The following GALNT14 variants were observed in gnomAD, a reference collection of about 807,000 sequenced individuals.
GALNT14 encodes the protein UDP-GalNAc:polypeptide N-acetylgalactosaminyltransferase 14.
Under a neutral mutation model 77.5 loss-of-function variants are expected in GALNT14, and 60 were observed. The ratio of observed to expected loss-of-function variants is 0.77; its 90% confidence interval spans 0.63 to 0.96. The LOEUF is 0.96. Ranked by LOEUF, GALNT14 falls within the 40% of genes least tolerant of loss-of-function variation. The pLI, the probability that GALNT14 is intolerant of heterozygous loss-of-function variation, is 0.00. For synonymous variants in GALNT14, 280 were observed against 281.7 expected, an observed-to-expected ratio of 0.99 and a Z score of 0.06; for missense variants, 710 against 731.0, an observed-to-expected ratio of 0.97 and a Z score of 0.33.
downstream of GALNT14, among the ~76,000 whole-genome samples, chr2:30,907,526 G>T (rs961306692): frequency 1.5e-4 from 23 of 152,122 alleles, no homozygotes; most frequent in Admixed American, 3.9e-4. Context: ...GTTGAATCTC[G>T]GAATAGACCA....
At chr2:30,912,448 C>T (rs1356637955) in intron 13 of GALNT14, 106 bp from the exon 14 acceptor site, 1 of 1,283,934 alleles carries the variant, frequency 7.8e-7, no homozygotes, top group African/African-American at 1.5e-5. Flanking sequence ...GTAAGAAGCA[C>T]CAAGGGTCCC....
chr2:30,907,606 T>G (rs1467376971), downstream of GALNT14, among the ~76,000 whole-genome samples: 1 of 152,040 alleles, frequency 6.6e-6, no homozygotes, highest in African/African-American at 2.4e-5. Context: ...ACCAGATGGA[T>G]TCACACCTGA....
chr2:31,019,470 G>C (rs958535233), intron 1 of GALNT14, among the ~76,000 whole-genome samples: 6 of 152,164 alleles, frequency 3.9e-5, no homozygotes, highest in East Asian at 3.9e-4. Context: ...CTTATCTAAT[G>C]ACCACTCTCT....
intron 1 of GALNT14, among the ~76,000 whole-genome samples, chr2:31,043,588 T>A (rs551103663): frequency 6.6e-6 from 1 of 152,274 alleles, no homozygotes; most frequent in South Asian, 2.1e-4. Context: ...ATGGTCTGGC[T>A]GTGGGGCTCC....
At chr2:30,894,519 G>A in the GALNT14 span, among the ~76,000 whole-genome samples, 3 of 152,302 alleles carry the variant, frequency 2.0e-5, no homozygotes, top group African/African-American at 7.2e-5. Flanking sequence ...AGAAAGACTC[G>A]ACAGAGAAGA....
intron 1 of GALNT14, chr2:31,125,277 A>G: frequency 6.7e-7 from 1 of 1,501,668 alleles, no homozygotes; most frequent in Non-Finnish European, 9.1e-7. Context: ...AAGAAAGAAG[A>G]GCAACATGGT....
chr2:31,046,507 C>T (rs190817880), intron 1 of GALNT14, among the ~76,000 whole-genome samples: 8 of 152,278 alleles, frequency 5.3e-5, no homozygotes, highest in Admixed American at 3.3e-4. Flanking sequence ...GGATTACGGG[C>T]GTGAGCCACC....
At chr2:30,964,523 T>C (rs1302166076) in intron 3 of GALNT14, among the ~76,000 whole-genome samples, 6 of 152,186 alleles carry the variant, frequency 3.9e-5, no homozygotes, top group Non-Finnish European at 5.9e-5. Context: ...TGACAGTGAC[T>C]TGGCACATTT....
intron 11 of GALNT14, among the ~76,000 whole-genome samples, 182 bp downstream of exon 11, chr2:30,929,213 T>C (rs1483698732): frequency 6.6e-6 from 1 of 152,238 alleles, no homozygotes; most frequent in Non-Finnish European, 1.5e-5. Flanking sequence ...AAGAGCTGCC[T>C]AAAGCCCTGC....
chr2:30,990,473 T>G (rs1669629471), intron 2 of GALNT14, among the ~76,000 whole-genome samples: 1 of 135,646 alleles, frequency 7.4e-6, no homozygotes, highest in African/African-American at 3.0e-5. Flanking sequence ...AACTAAGAGC[T>G]GGAAGTGTGA....
chr2:31,122,734 T>G (rs1236742365), intron 1 of GALNT14, among the ~76,000 whole-genome samples: 2 of 152,202 alleles, frequency 1.3e-5, no homozygotes, highest in African/African-American at 4.8e-5. Context: ...TTTCTATAAA[T>G]TTTTGTTTTC....
chr2:31,107,665 G>A (rs1222805881), intron 1 of GALNT14, among the ~76,000 whole-genome samples: 1 of 152,080 alleles, frequency 6.6e-6, no homozygotes, highest in East Asian at 1.9e-4. Flanking sequence ...CACCTCTTGA[G>A]ACTCAGTCTC....
At chr2:31,004,003 A>C (rs116226495) in intron 1 of GALNT14, among the ~76,000 whole-genome samples, 2,418 of 152,310 alleles carry the variant, frequency 0.016, 32 homozygotes, top group South Asian at 0.024. Flanking sequence ...ACCACCAAAG[A>C]CTGAACCCAA....
At chr2:31,096,280 C>A (rs6743541) in intron 1 of GALNT14, among the ~76,000 whole-genome samples, 82,410 of 151,992 alleles carry the variant, frequency 0.54, 22,912 homozygotes, top group African/African-American at 0.63. Flanking sequence ...ATGTAACCTA[C>A]CATATTCAGT....
intron 1 of GALNT14, among the ~76,000 whole-genome samples, chr2:31,047,300 G>A (rs1673527341): frequency 6.6e-6 from 1 of 152,192 alleles, no homozygotes; most frequent in Non-Finnish European, 1.5e-5. Context: ...CGAGTGGACT[G>A]TTTGCCAGGC....
chr2:30,922,830 T>C (rs1445392994), intron 13 of GALNT14, among the ~76,000 whole-genome samples: 1 of 152,232 alleles, frequency 6.6e-6, no homozygotes, highest in Non-Finnish European at 1.5e-5. Context: ...TCTTCATAGT[T>C]AATAAAGAAG....
At chr2:30,923,434 C>A (rs764554746) in intron 13 of GALNT14, among the ~76,000 whole-genome samples, 2 of 152,086 alleles carry the variant, frequency 1.3e-5, no homozygotes, top group Non-Finnish European at 2.9e-5. Context: ...ACAGTTCTAG[C>A]CTCAGATGGG....
At chr2:30,959,617 A>C (rs1378913434) in intron 3 of GALNT14, among the ~76,000 whole-genome samples, 1 of 152,246 alleles carries the variant, frequency 6.6e-6, no homozygotes, top group African/African-American at 2.4e-5. Flanking sequence ...ATTAAAGGAG[A>C]AAGTGTATAA....
At chr2:30,962,357 C>A (rs966360950) in intron 3 of GALNT14, among the ~76,000 whole-genome samples, 2 of 152,196 alleles carry the variant, frequency 1.3e-5, no homozygotes, top group African/African-American at 4.8e-5. Context: ...AAATTCTTAA[C>A]CACCTTACTC....
Sources: gnomAD v4.1 joint callset for allele counts (sites outside exome capture counted in the v4.1 genomes callset) on GRCh38, gnomAD v4.1.1 for gene constraint, MANE v1.5 for transcripts, NCBI Gene and HGNC (gene_info 2026-07-23, HGNC 2026-07-21) for gene names.